FHIT: variants seen among roughly 807,000 people sequenced by gnomAD.
FHIT encodes bis(5'-adenosyl)-triphosphatase.
FHIT carries 19 observed loss-of-function variants against 17.9 expected under a neutral mutation model. The ratio of observed to expected loss-of-function variants is 1.06; its 90% CI spans 0.74 to 1.56. FHIT has a LOEUF of 1.56. Among genes scored for constraint, FHIT ranks in the 40% most tolerant of loss-of-function variants. The pLI, the probability that FHIT is intolerant of heterozygous loss-of-function variation, is 0.00. For synonymous variants in FHIT, 81 were observed against 69.7 expected (o/e 1.16, Z -0.81); for missense variants, 248 against 189.2 (o/e 1.31, Z -1.82).
intron 5 of FHIT, among the ~76,000 whole-genome samples, chr3:60,377,616 G>C (rs1700626787): frequency 6.7e-6 from 1 of 149,816 alleles, no homozygotes; most frequent in South Asian, 2.2e-4. Flanking sequence ...CGAGTAGCTG[G>C]GACTACAGGC....
intron 8 of FHIT, among the ~76,000 whole-genome samples, chr3:59,873,058 A>G (rs1702993622): frequency 6.6e-6 from 1 of 152,316 alleles, no homozygotes; most frequent in South Asian, 2.1e-4. Flanking sequence ...GGTTAGAGAT[A>G]TTTTTGACAC....
chr3:60,587,931 C>T (rs1553662707), intron 4 of FHIT, among the ~76,000 whole-genome samples: 1 of 151,962 alleles, frequency 6.6e-6, no homozygotes, highest in Non-Finnish European at 1.5e-5. Flanking sequence ...CTGCCTGACT[C>T]CAAAGATCAT....
At position 60,582,900 on chromosome 3, in the gene FHIT, CA is replaced by C. The variant is rs573192933; in HGVS notation, c.-17-45922del. Among the ~76,000 whole-genome samples, 43 of 152,020 alleles carry C rather than the reference CA, an allele frequency of 2.8e-4. No homozygotes were observed. In the East Asian group the frequency reaches 8.0e-3, roughly 28 times the overall value. The stretch of plus-strand genomic sequence containing the variant: ...AAGAAAACTAAAGCTGAGAAGTGTT[CA>C]AAGAAATGTGTCCAATACCACATAT... On this transcript the variant is annotated intron_variant, in intron 4 of 9. Transcript: ENST00000492590.
chr3:60,402,088 G>C (rs892620937), intron 5 of FHIT, among the ~76,000 whole-genome samples: 1 of 151,988 alleles, frequency 6.6e-6, no homozygotes, highest in African/African-American at 2.4e-5. Context: ...CCCCATCCCT[G>C]CCAGCTCCTC....
chr3:61,103,260 T>C (rs2035888045), intron 2 of FHIT, among the ~76,000 whole-genome samples: 3 of 152,244 alleles, frequency 2.0e-5, no homozygotes, highest in Admixed American at 2.0e-4. Context: ...TGTGTCTTTG[T>C]TCTCATTGGT....
intron 5 of FHIT, among the ~76,000 whole-genome samples, chr3:60,369,240 G>A (rs1193652090): frequency 2.0e-5 from 3 of 152,044 alleles, no homozygotes; most frequent in African/African-American, 4.8e-5. Flanking sequence ...ACACAGTGCT[G>A]GAATTAGAGG....
intron 5 of FHIT, among the ~76,000 whole-genome samples, chr3:60,037,241 C>A (rs1701254064): frequency 6.6e-6 from 1 of 152,050 alleles, no homozygotes; most frequent in Non-Finnish European, 1.5e-5. Context: ...TGAGTTGAAC[C>A]TTTTCTAAAA....
chr3:59,752,335 A>C lies in FHIT; in HGVS notation c.349-14T>G, dbSNP rs1317653490. ...ATGTTTCTGGAGCTTTGGAGAAAAA[A>C]AAAGGAAGAGGCTCTTTCATGGGCC... On this transcript the variant is annotated splice_polypyrimidine_tract_variant and intron_variant, in intron 8 of 9. Transcript: ENST00000492590. 1 of 1,604,402 alleles carries C rather than the reference A, an allele frequency of 6.2e-7. No individual in the cohort carries two copies. The highest frequency in any genetic ancestry group is 8.5e-7 in the Non-Finnish European group (1 of 1,174,966).
chr3:60,034,942 A>G (rs1164134337), intron 5 of FHIT, among the ~76,000 whole-genome samples: 2 of 152,176 alleles, frequency 1.3e-5, no homozygotes, highest in East Asian at 3.9e-4. Context: ...ATTCGGTTCT[A>G]ATTTTATTAT....
intron 4 of FHIT, among the ~76,000 whole-genome samples, chr3:60,580,350 A>G (rs1236090148): frequency 6.6e-6 from 1 of 152,132 alleles, no homozygotes; most frequent in Non-Finnish European, 1.5e-5. Flanking sequence ...CAAATTTTGG[A>G]GTTCAGTGAA....
At chr3:60,243,650 T>C (rs974829888) in intron 5 of FHIT, among the ~76,000 whole-genome samples, 2 of 152,142 alleles carry the variant, frequency 1.3e-5, no homozygotes, top group African/African-American at 2.4e-5. Flanking sequence ...CAGCAGAAAC[T>C]ATTATCTTGA....
chr3:60,184,128 C>T (rs116230917), intron 5 of FHIT, among the ~76,000 whole-genome samples: 711 of 151,990 alleles, frequency 4.7e-3, no homozygotes, highest in African/African-American at 0.016. Flanking sequence ...ACTCGGATTA[C>T]CGGGCATTAT....
chr3:60,163,947 C>T (rs1701047823), intron 5 of FHIT, among the ~76,000 whole-genome samples: 1 of 152,140 alleles, frequency 6.6e-6, no homozygotes, highest in South Asian at 2.1e-4. Context: ...TGACCATCTC[C>T]TCCACGTGAA....
intron 3 of FHIT, among the ~76,000 whole-genome samples, chr3:60,873,112 G>T (rs1704483321): frequency 6.6e-6 from 1 of 150,758 alleles, no homozygotes. Context: ...TTGGAGGAGG[G>T]GAACAAGGCA....
intron 4 of FHIT, among the ~76,000 whole-genome samples, chr3:60,580,079 T>G (rs1288335360): frequency 6.6e-6 from 1 of 152,172 alleles, no homozygotes; most frequent in Non-Finnish European, 1.5e-5. Flanking sequence ...TGAATAAAAT[T>G]CCTTCTCCCT....
At chr3:60,633,813 G>A (rs11716931) in intron 4 of FHIT, among the ~76,000 whole-genome samples, 32,506 of 152,068 alleles carry the variant, frequency 0.21, 3,817 homozygotes, top group Admixed American at 0.27. Context: ...TTCCATCTGC[G>A]CGATTTAACC....
chr3:60,929,854 A>G (rs1347775459), intron 3 of FHIT, among the ~76,000 whole-genome samples: 5 of 152,230 alleles, frequency 3.3e-5, no homozygotes, highest in Non-Finnish European at 7.3e-5. Context: ...CAGAATTGGA[A>G]AAAACTACCT....
chr3:60,224,787 T>C (rs1704119366), intron 5 of FHIT, among the ~76,000 whole-genome samples: 1 of 151,912 alleles, frequency 6.6e-6, no homozygotes, highest in South Asian at 2.1e-4. Context: ...GTGCAGTGTG[T>C]GGTCTTGGCT....
intron 5 of FHIT, among the ~76,000 whole-genome samples, chr3:60,115,611 CA>C (rs529010646): frequency 1.6e-3 from 242 of 152,144 alleles, no homozygotes; most frequent in African/African-American, 5.5e-3. Flanking sequence ...ATCAGAGACC[CA>C]CACAAAGATT....
Sources: gnomAD v4.1 joint callset for allele counts (sites outside exome capture counted in the v4.1 genomes callset) on GRCh38, gnomAD v4.1.1 for gene constraint, MANE v1.5 for transcripts, NCBI Gene and HGNC (gene_info 2026-07-23, HGNC 2026-07-21) for gene names.